The following LDB3 variants were observed in gnomAD, a reference collection of about 807,000 sequenced individuals.
LDB3 encodes the protein LIM domain-binding protein 3.
A neutral mutation model predicts 69.0 loss-of-function variants in LDB3; 49 were observed. The observed-to-expected ratio is 0.71, with a 90% CI of 0.56 to 0.90. The LOEUF (loss-of-function observed/expected upper bound fraction) is 0.90. Ranked by LOEUF, LDB3 falls within the 40% of genes least tolerant of loss-of-function variation. The probability of loss-of-function intolerance (pLI) is 0.00; values close to 1 mark genes in which losing one functional copy is unlikely to be tolerated. For missense variants in LDB3, 928 were observed against 974.1 expected (o/e 0.95, Z 0.63); for synonymous variants, 387 against 396.2 (o/e 0.98, Z 0.28).
chr10:86,704,441 A>T (rs1176624617), intron 7 of LDB3, among the ~76,000 whole-genome samples: 10 of 151,448 alleles, frequency 6.6e-5, no homozygotes, highest in Non-Finnish European at 1.3e-4. Context: ...TTAAGATGGA[A>T]TTTCGCTCTT....
At chr10:86,702,366 T>A (rs1291659881) in intron 7 of LDB3, among the ~76,000 whole-genome samples, 1 of 151,990 alleles carries the variant, frequency 6.6e-6, no homozygotes, top group East Asian at 1.9e-4. Context: ...ATCATAGTTA[T>A]CAATAACAGC....
At chr10:86,707,758 TC>T (rs1846498264) in intron 8 of LDB3, among the ~76,000 whole-genome samples, 1 of 152,094 alleles carries the variant, frequency 6.6e-6, no homozygotes, top group South Asian at 2.1e-4. Flanking sequence ...GCTGCCCCCA[TC>T]CCGGGCTTCA....
At chr10:86,711,242 G>C (rs1846645930) in intron 9 of LDB3, among the ~76,000 whole-genome samples, 1 of 152,120 alleles carries the variant, frequency 6.6e-6, no homozygotes, top group African/African-American at 2.4e-5. Flanking sequence ...GGCGGCCTCC[G>C]GCTGTCTTCG....
rs537496984 is a variant in LDB3, at chr10:86,673,078, C to T, written c.93+4294C>T. 2.2e-3 allele frequency among the ~76,000 whole-genome samples: 333 copies of T among 152,384 alleles called. 1 individual carries two copies. The highest frequency in any genetic ancestry group is 7.6e-3 in the African/African-American group (316 of 41,600). On this transcript the variant is annotated intron_variant, in intron 2 of 13. Transcript: ENST00000361373. ...ACCCCCAAACACAGCTTTGGCACCC[C>T]TTTGGGACCAGGCTCCACCTCTGCC...
intron 8 of LDB3, among the ~76,000 whole-genome samples, chr10:86,709,040 C>T (rs1846544387): frequency 1.3e-5 from 2 of 152,230 alleles, no homozygotes; most frequent in Admixed American, 6.5e-5. Context: ...ATGTGGTCCC[C>T]TTTGAGATCT....
intron 12 of LDB3, among the ~76,000 whole-genome samples, chr10:86,719,147 C>T (rs1846986768): frequency 6.6e-6 from 1 of 152,096 alleles, no homozygotes; most frequent in Admixed American, 6.6e-5. Context: ...ACCTTAATCC[C>T]AGCACTTTGG....
At chr10:86,710,666 G>A (rs1564654180) in intron 9 of LDB3, among the ~76,000 whole-genome samples, 1 of 152,244 alleles carries the variant, frequency 6.6e-6, no homozygotes, top group Non-Finnish European at 1.5e-5. Flanking sequence ...TCGGGAGCAG[G>A]TCCTATCCAG....
At position 86,712,019 on chromosome 10, in the gene LDB3, G is replaced by A. The variant is rs546938763; in HGVS notation, c.1231+1969G>A. Among the ~76,000 whole-genome samples, 27 of 152,306 alleles carry A rather than the reference G, an allele frequency of 1.8e-4. No individual in the cohort carries two copies. The South Asian group carries it at 5.6e-3, about 32-fold the overall frequency. Reference sequence around the variant, plus strand: ...CACGCAAAAATAGCAACAGCCCCGGGGCTGCGAGATGGGATATCAGGTCTC... The same window carrying A: ...CACGCAAAAATAGCAACAGCCCCGGAGCTGCGAGATGGGATATCAGGTCTC... On this transcript the variant is annotated intron_variant, in intron 9 of 13. Transcript: ENST00000361373.
rs574936592 is a variant in LDB3 at position 86,692,402 on chromosome 10, C to T, written c.860-133C>T. On this transcript the variant is annotated intron_variant, in intron 6 of 13. Coordinates refer to ENST00000361373, the MANE Select transcript of LDB3 (RefSeq NM_007078.3). ...TCCTCTGGGGCCTCTGCCCAGCACA[C>T]AGTGGACAGGCAAGGGGGCAGTCAC... The T allele has an allele frequency of 3.2e-6, 3 of 931,842 alleles. No homozygotes were observed. In the Admixed American group the frequency reaches 5.2e-5, roughly 16 times the overall value. The allele number at this position is 931,842 out of a possible 1,614,324, so 57.7% of individuals were successfully genotyped here.
intron 13 of LDB3, among the ~76,000 whole-genome samples, chr10:86,730,026 G>A (rs1024381640): frequency 1.3e-5 from 2 of 152,058 alleles, no homozygotes; most frequent in African/African-American, 2.4e-5. Flanking sequence ...GCCTCCACAC[G>A]AGCCTGGTTA....
chr10:86,695,362 G>A (rs1047875742), intron 7 of LDB3, among the ~76,000 whole-genome samples: 1 of 152,138 alleles, frequency 6.6e-6, no homozygotes, highest in Admixed American at 6.5e-5. Context: ...CTCCTCTCGG[G>A]TCCTGGCTCC....
rs572817879 is a variant in LDB3, at chr10:86,727,193, T to C, written c.2094+941T>C. ...ATGCCACCATGCCTGGCTAATTTTG[T>C]GTATTTTTAGTAGAGAGGGGATTTC... On this transcript the variant is annotated intron_variant, in intron 13 of 13. Transcript: ENST00000361373. 1.3e-4 allele frequency among the ~76,000 whole-genome samples: 20 copies of C among 151,718 alleles called. No homozygotes were observed. The South Asian group carries it at 4.2e-3, about 32-fold the overall frequency.
intron 7 of LDB3, among the ~76,000 whole-genome samples, chr10:86,704,071 G>A (rs1015734495): frequency 5.3e-5 from 8 of 151,418 alleles, no homozygotes; most frequent in Admixed American, 3.3e-4. Context: ...CCGAGATCGC[G>A]ACATTGCACT....
chr10:86,705,259 A>G (rs1448424683), intron 7 of LDB3, among the ~76,000 whole-genome samples: 1 of 152,168 alleles, frequency 6.6e-6, no homozygotes, highest in East Asian at 1.9e-4. Context: ...CTTTGTTACC[A>G]TTTCCTCATC....
chr10:86,691,913 A>T lies in LDB3; in HGVS notation c.707A>T (p.Asp236Val). The change falls in exon 6 of 14, where the codon GAC becomes GTC. Residue 236 changes from aspartate to valine, a missense_variant. Coordinates refer to ENST00000361373, the MANE Select transcript of LDB3 (RefSeq NM_007078.3). ...CATTACAGGAGCCTCCCTATTAAGG[A>T]CCTTGCCGTAGACAGCGCCTCTCCC... The part of the protein sequence containing the change: ...GLPGGSLPIK[D>V]LAVDSASPVY... The T allele has an allele frequency of 6.2e-7, 1 of 1,614,090 alleles. No homozygotes were observed. Among genetic ancestry groups the T allele is most frequent in the East Asian group, 2.2e-5 (1 of 44,876 alleles).
At chr10:86,718,920 C>G in intron 12 of LDB3, 73 bp downstream of exon 12, 1 of 1,590,524 alleles carries the variant, frequency 6.3e-7, no homozygotes, top group Non-Finnish European at 8.6e-7. Flanking sequence ...GGAACTAACT[C>G]CTGCCTAATC....
intron 5 of LDB3, among the ~76,000 whole-genome samples, chr10:86,688,253 T>C (rs1845598497): frequency 6.6e-6 from 1 of 152,142 alleles, no homozygotes; most frequent in Non-Finnish European, 1.5e-5. Context: ...ATGACAGTGA[T>C]GCTTTTTTCC....
rs186606037 is a variant in LDB3, at chr10:86,691,865, C to A, written c.690-31C>A. 74 of 1,613,636 alleles carry A rather than the reference C, an allele frequency of 4.6e-5. 1 individual carries two copies. The Admixed American group carries it at 1.0e-3, about 22-fold the overall frequency. On this transcript the variant is annotated intron_variant, in intron 5 of 13. Coordinates refer to ENST00000361373, the MANE Select transcript of LDB3 (RefSeq NM_007078.3). ...GGGTGGGAACTGGGCTCCAGCCTAG[C>A]CCTCGCCCACGGCCTCTCTCTGCAT...
intron 12 of LDB3, among the ~76,000 whole-genome samples, chr10:86,720,316 C>T (rs1156495010): frequency 1.3e-5 from 2 of 152,112 alleles, no homozygotes; most frequent in Non-Finnish European, 2.9e-5. Flanking sequence ...TGATGGCGGG[C>T]GTCTGTAATC....
Sources: gnomAD v4.1 joint callset for allele counts (sites outside exome capture counted in the v4.1 genomes callset) on GRCh38, gnomAD v4.1.1 for gene constraint, MANE v1.5 for transcripts, NCBI Gene and HGNC (gene_info 2026-07-23, HGNC 2026-07-21) for gene names.